The following GON4L variants were observed in gnomAD, a reference collection of about 807,000 sequenced individuals.
The protein encoded by GON4L is GON-4-like protein.
GON4L carries 87 observed loss-of-function variants against 211.8 expected under a neutral mutation model. The observed-to-expected ratio is 0.41, with a 90% confidence interval of 0.35 to 0.49. The LOEUF is 0.49. GON4L is among the 20% of genes least tolerant of loss of function. The probability of loss-of-function intolerance (pLI) is 0.15; values close to 1 mark genes in which losing one functional copy is unlikely to be tolerated. For synonymous variants in GON4L, 875 were observed against 962.6 expected (o/e 0.91, Z 1.68); for missense variants, 2,155 against 2,659.5 (o/e 0.81, Z 4.17).
intron 8 of GON4L, among the ~76,000 whole-genome samples, chr1:155,814,985 C>A (rs1046607498): frequency 6.6e-6 from 1 of 151,398 alleles, no homozygotes; most frequent in Admixed American, 6.6e-5. Context: ...TGGTAGCGCA[C>A]GCCTGTTAAT....
Position 155,765,346 on chromosome 1 carries a change from AC to A in GON4L, c.4126del (p.Val1376SerfsTer31). 1 of 1,614,078 alleles carries A rather than the reference AC, an allele frequency of 6.2e-7. No homozygotes were observed. Among genetic ancestry groups the A allele is most frequent in the Non-Finnish European group, 8.5e-7 (1 of 1,180,004 alleles). On this transcript the variant is annotated frameshift_variant, in exon 21 of 32. Transcript: ENST00000368331. LOFTEE classifies it high-confidence loss of function. ...SSAGEVTKQT[V>X]LQKEEERSQP... ...ACTCCTCTCCTCTTCCTTCTGTAAG[AC>A]TGTCTGTTTCGTTACTTCTCCAGCA...
At chr1:155,749,475 C>T, downstream of GON4L, 1 of 1,484,010 alleles carries the variant, frequency 6.7e-7, no homozygotes, top group Non-Finnish European at 9.2e-7. Context: ...AACCGCAACC[C>T]TCCCTTGACT....
chr1:155,795,142 T>A lies in GON4L; in HGVS notation c.1655A>T (p.Asp552Val), dbSNP rs772963751. The part of the protein sequence containing the change: ...NDDVGNEDEA[D>V]DDDDPEYNFL... ...ATTATATTCTGGATCATCATCATCA[T>A]CTGCTTCATCTAGGAAAAAAAAGTG... Residue 552 changes from aspartate (D) to valine (V), a missense_variant, in exon 12 of 32, where the codon GAT (aspartate) becomes GTT (valine). Physicochemically the swap from Asp to Val is radical, Grantham distance 152. This residue lies in a region of GON4L where 551 missense variants were observed against 854.0 expected (regional missense o/e 0.65). Coordinates refer to ENST00000368331, the MANE Select transcript of GON4L (RefSeq NM_001282860.2). The A allele has an allele frequency of 6.3e-7, 1 of 1,579,910 alleles. No homozygotes were observed. The highest frequency in any genetic ancestry group is 1.1e-5 in the South Asian group (1 of 90,414).
At chr1:155,824,960 C>T (rs932225132) in intron 3 of GON4L, among the ~76,000 whole-genome samples, 1 of 151,614 alleles carries the variant, frequency 6.6e-6, no homozygotes, top group Non-Finnish European at 1.5e-5. Context: ...CCAGCCTGGG[C>T]AACATAGTGA....
chr1:155,787,494 C>T (rs1414236249), intron 12 of GON4L, among the ~76,000 whole-genome samples: 3 of 152,096 alleles, frequency 2.0e-5, no homozygotes, highest in Non-Finnish European at 4.4e-5. Context: ...AGATCCAGGC[C>T]ACGGGCAGTG....
chr1:155,764,572 A>G, intron 21 of GON4L: 1 of 355,640 alleles, frequency 2.8e-6, no homozygotes, highest in Non-Finnish European at 5.4e-6. Context: ...CCCAAGCAGC[A>G]GGGATTACAG....
intron 2 of GON4L, among the ~76,000 whole-genome samples, chr1:155,834,235 C>T (rs952088393): frequency 1.3e-5 from 2 of 152,064 alleles, no homozygotes; most frequent in Non-Finnish European, 2.9e-5. Context: ...AGGTATTATC[C>T]TTATCCCTCC....
chr1:155,801,980 T>TG (rs1280594653), intron 11 of GON4L, among the ~76,000 whole-genome samples: 1 of 151,474 alleles, frequency 6.6e-6, no homozygotes, highest in Non-Finnish European at 1.5e-5. Context: ...CCCATAGTAC[T>TG]GGGATTACAG....
chr1:155,808,765 T>G (rs552184794), intron 10 of GON4L, among the ~76,000 whole-genome samples: 1 of 152,112 alleles, frequency 6.6e-6, no homozygotes, highest in African/African-American at 2.4e-5. Context: ...TGTAACAGGA[T>G]GCCCAGCTAA....
At chr1:155,748,773 G>C (rs1207804334), downstream of GON4L, 10 of 1,613,446 alleles carry the variant, frequency 6.2e-6, no homozygotes, top group Non-Finnish European at 6.8e-6. Context: ...GGTATAGACA[G>C]AGCATGCCAC....
At chr1:155,813,976 T>C (rs559328798) in intron 9 of GON4L, among the ~76,000 whole-genome samples, 172 bp from the exon 10 acceptor site, 2 of 152,380 alleles carry the variant, frequency 1.3e-5, no homozygotes, top group East Asian at 1.9e-4. Flanking sequence ...ATTGATCTAA[T>C]TAGTTTTCAT....
At chr1:155,749,657 G>C, downstream of GON4L, 1 of 1,403,012 alleles carries the variant, frequency 7.1e-7, no homozygotes, top group Non-Finnish European at 9.4e-7. Context: ...AGAAAACTGA[G>C]ATTTCAAGTA....
intron 31 of GON4L, 28 bp from the exon 32 acceptor site, chr1:155,750,761 T>A: frequency 6.4e-7 from 1 of 1,552,446 alleles, no homozygotes; most frequent in Non-Finnish European, 8.7e-7. Context: ...CTGTATTCAC[T>A]GGTCTTTTTT....
chr1:155,763,646 T>C, intron 21 of GON4L, 82 bp from the exon 22 acceptor site: 2 of 1,260,392 alleles, frequency 1.6e-6, no homozygotes, highest in South Asian at 3.1e-5. Context: ...ATCAGGATAA[T>C]CTGAAGTTAA....
intron 10 of GON4L, among the ~76,000 whole-genome samples, chr1:155,805,810 C>T (rs1461293735): frequency 2.0e-5 from 3 of 152,150 alleles, no homozygotes; most frequent in East Asian, 3.9e-4. Context: ...CTGCCTCAGC[C>T]TCCCAGGGAG....
At chr1:155,832,181 A>C (rs888766662) in intron 2 of GON4L, among the ~76,000 whole-genome samples, 1 of 142,032 alleles carries the variant, frequency 7.0e-6, no homozygotes, top group African/African-American at 2.6e-5. Context: ...AGGCTGAGGC[A>C]AGAGAATCAC....
At chr1:155,784,143 C>T (rs1299820355) in intron 13 of GON4L, 54 bp from the exon 14 acceptor site, 2 of 1,602,912 alleles carry the variant, frequency 1.2e-6, no homozygotes, top group African/African-American at 2.7e-5. Context: ...CTGAATGTTG[C>T]TCCAGTATTG....
At chr1:155,800,363 GCCTGACCAACATGGTGAAAC>G (rs1666517514) in intron 11 of GON4L, among the ~76,000 whole-genome samples, 1 of 150,722 alleles carries the variant, frequency 6.6e-6, no homozygotes, top group African/African-American at 2.4e-5. Flanking sequence ...TTTAAGAACA[GCCTGACCAACATGGTGAAAC>G]CCTGACTCTA....
At chr1:155,851,052 C>CAAAAAAA (rs55815558) in intron 2 of GON4L, among the ~76,000 whole-genome samples, 1 of 78,486 alleles carries the variant, frequency 1.3e-5, no homozygotes, top group Non-Finnish European at 2.2e-5. Context: ...GACTCCACCT[C>CAAAAAAA]AAAAAAAAAA....
Sources: gnomAD v4.1 joint callset for allele counts (sites outside exome capture counted in the v4.1 genomes callset) on GRCh38, gnomAD v4.1.1 for gene constraint, gnomAD v4.1.1 regional missense constraint, MANE v1.5 for transcripts, NCBI Gene and HGNC (gene_info 2026-07-23, HGNC 2026-07-21) for gene names.